The following GTF2A1L variants were observed in gnomAD, a reference collection of about 807,000 sequenced individuals.
The protein encoded by GTF2A1L is general transcription factor IIA subunit 1 like, also known as TFIIA-alpha and beta-like factor.
A neutral mutation model predicts 49.7 loss-of-function variants in GTF2A1L; 48 were observed. The ratio of observed to expected loss-of-function variants is 0.97; its 90% CI spans 0.77 to 1.23. GTF2A1L has a LOEUF of 1.23. GTF2A1L is among the 50% of genes most tolerant of loss of function. GTF2A1L has a pLI of 0.00. For missense variants in GTF2A1L, 736 were observed against 564.8 expected (o/e 1.30, Z -3.07); for synonymous variants, 246 against 193.5 (o/e 1.27, Z -2.25).
intron 6 of GTF2A1L, among the ~76,000 whole-genome samples, chr2:48,666,483 T>C (rs937238943): frequency 1.3e-5 from 2 of 152,140 alleles, no homozygotes; most frequent in Admixed American, 6.5e-5. Context: ...AGACACCATA[T>C]GGTTGGGTCT....
chr2:48,630,169 T>G (rs1199120809), intron 3 of GTF2A1L, among the ~76,000 whole-genome samples: 1 of 143,782 alleles, frequency 7.0e-6, no homozygotes, highest in African/African-American at 2.5e-5. Context: ...CATTGGTGGT[T>G]TGATAGGAAT....
At chr2:48,640,209 G>A (rs1677125395) in intron 3 of GTF2A1L, among the ~76,000 whole-genome samples, 1 of 152,086 alleles carries the variant, frequency 6.6e-6, no homozygotes. Flanking sequence ...ATTCTCAGAG[G>A]AATATAAAGC....
Position 48,646,525 on chromosome 2 carries a change from C to T in GTF2A1L, c.461C>T (p.Pro154Leu). 3 of 1,614,034 alleles carry T rather than the reference C, an allele frequency of 1.9e-6. No homozygotes were observed. Among genetic ancestry groups the T allele is most frequent in the Admixed American group, 1.7e-5 (1 of 60,008 alleles). ...TSGRAGILQHPIQQVFQQLGQ... is the reference protein window; with the variant it reads ...TSGRAGILQHLIQQVFQQLGQ... Reference sequence around the variant, plus strand: ...GGAAGAGCAGGTATTCTTCAGCATCCAATTCAGCAAGTATTTCAACAGCTT... The same window carrying T: ...GGAAGAGCAGGTATTCTTCAGCATCTAATTCAGCAAGTATTTCAACAGCTT... Residue 154 changes from proline to leucine, a missense_variant, in exon 6 of 9, where the codon CCA (proline) becomes CTA (leucine). Physicochemically the swap from Pro to Leu is moderately conservative, Grantham distance 98. Transcript: ENST00000403751.
intron 3 of GTF2A1L, among the ~76,000 whole-genome samples, chr2:48,625,487 A>G (rs1476047752): frequency 1.4e-5 from 2 of 144,346 alleles, no homozygotes; most frequent in Admixed American, 1.4e-4. Context: ...TATGGTTTGC[A>G]AATATTTTCT....
chr2:48,679,475 C>T lies in GTF2A1L; in HGVS notation c.*33C>T. 1 of 1,610,444 alleles carries T rather than the reference C, an allele frequency of 6.2e-7. No homozygotes were observed. The highest frequency in any genetic ancestry group is 8.5e-7 in the Non-Finnish European group (1 of 1,178,168). The stretch of plus-strand genomic sequence containing the variant: ...GAGCTCAGTACATCTATTTTGTGAA[C>T]ATCAGTTGGATTATATTGCATATTG... On this transcript the variant is annotated 3_prime_UTR_variant, in exon 9 of 9. Transcript: ENST00000403751.
At chr2:48,678,875 C>A (rs1424249160) in intron 8 of GTF2A1L, among the ~76,000 whole-genome samples, 1 of 151,970 alleles carries the variant, frequency 6.6e-6, no homozygotes, top group Non-Finnish European at 1.5e-5. Context: ...TAGGACTGTT[C>A]ACTTCTATTC....
At chr2:48,626,598 G>C (rs1218332533) in intron 3 of GTF2A1L, among the ~76,000 whole-genome samples, 1 of 143,058 alleles carries the variant, frequency 7.0e-6, no homozygotes, top group Non-Finnish European at 1.6e-5. Flanking sequence ...TTTGAGGCAG[G>C]GTCTGGCTCT....
intron 6 of GTF2A1L, among the ~76,000 whole-genome samples, chr2:48,669,125 T>G (rs998927669): frequency 6.6e-6 from 1 of 152,150 alleles, no homozygotes; most frequent in Non-Finnish European, 1.5e-5. Flanking sequence ...ACTCTGTATT[T>G]CCAGTACTTT....
At chr2:48,673,259 C>T (rs769290839) in intron 8 of GTF2A1L, among the ~76,000 whole-genome samples, 6 of 151,968 alleles carry the variant, frequency 3.9e-5, no homozygotes, top group Non-Finnish European at 7.4e-5. Context: ...TTTTCCTTAC[C>T]CATTGCTATT....
At chr2:48,619,656 A>C (rs1675866089) in intron 1 of GTF2A1L, among the ~76,000 whole-genome samples, 1 of 152,176 alleles carries the variant, frequency 6.6e-6, no homozygotes, top group African/African-American at 2.4e-5. Flanking sequence ...GAGCAACTCA[A>C]CTAAATTCCT....
At chr2:48,655,263 A>G (rs894822100) in intron 6 of GTF2A1L, among the ~76,000 whole-genome samples, 13 of 152,128 alleles carry the variant, frequency 8.5e-5, no homozygotes, top group African/African-American at 3.1e-4. Context: ...TATAAATGGT[A>G]CCTAAAACTG....
chr2:48,639,362 T>C (rs1001890992), intron 3 of GTF2A1L, among the ~76,000 whole-genome samples: 1 of 152,090 alleles, frequency 6.6e-6, no homozygotes, highest in Non-Finnish European at 1.5e-5. Context: ...CATAGGCCAA[T>C]GGAACAGAAT....
chr2:48,619,191 G>C (rs1675832457), intron 1 of GTF2A1L, among the ~76,000 whole-genome samples: 1 of 152,112 alleles, frequency 6.6e-6, no homozygotes, highest in South Asian at 2.1e-4. Flanking sequence ...CTTAGGGGCT[G>C]GGCACGGTGG....
chr2:48,670,098 A>T, intron 7 of GTF2A1L, 116 bp downstream of exon 7: 1 of 1,425,352 alleles, frequency 7.0e-7, no homozygotes, highest in South Asian at 1.6e-5. Flanking sequence ...CTTTTGAAAT[A>T]AGACTTATTT....
chr2:48,628,617 A>G lies in GTF2A1L; in HGVS notation c.247+7327A>G, dbSNP rs1376746034. Among the ~76,000 whole-genome samples, 4 of 143,524 alleles carry G rather than the reference A, an allele frequency of 2.8e-5. 1 individual carries two copies. The highest frequency in any genetic ancestry group is 4.7e-5 in the Non-Finnish European group (3 of 63,788). The allele number at this position is 143,524 out of a possible 152,430, so 94.2% of individuals were successfully genotyped here. ...TTCCTTATAGATTCTGGATATTACA[A>G]CTTTGTCAGATGAGTAGTTCGTGAA... On this transcript the variant is annotated intron_variant, in intron 3 of 8. Coordinates refer to ENST00000403751, the MANE Select transcript of GTF2A1L (RefSeq NM_006872.5).
At chr2:48,618,929 T>G (rs1454910621) in intron 1 of GTF2A1L, among the ~76,000 whole-genome samples, 2 of 152,068 alleles carry the variant, frequency 1.3e-5, no homozygotes, top group Non-Finnish European at 2.9e-5. Context: ...TGTGTTAAGA[T>G]TTTTTAGACC....
chr2:48,643,413 G>A (rs1274819221), intron 4 of GTF2A1L, among the ~76,000 whole-genome samples: 1 of 152,158 alleles, frequency 6.6e-6, no homozygotes, highest in East Asian at 1.9e-4. Context: ...TAGGGCAAAT[G>A]CTTAGTGGGC....
chr2:48,663,029 A>G (rs1264769779), intron 6 of GTF2A1L, among the ~76,000 whole-genome samples: 1 of 152,198 alleles, frequency 6.6e-6, no homozygotes, highest in Admixed American at 6.5e-5. Context: ...GTTTACCTAC[A>G]TAACAAACCT....
At chr2:48,626,585 T>C (rs1313802385) in intron 3 of GTF2A1L, among the ~76,000 whole-genome samples, 1 of 144,154 alleles carries the variant, frequency 6.9e-6, no homozygotes, top group Non-Finnish European at 1.6e-5. Flanking sequence ...ACATATCTTT[T>C]TTTTTGAGGC....
Sources: allele counts gnomAD v4.1 joint callset (sites outside exome capture counted in the v4.1 genomes callset), GRCh38; gene constraint gnomAD v4.1.1; transcripts MANE v1.5; gene names NCBI Gene and HGNC (gene_info 2026-07-23, HGNC 2026-07-21).